OXR1: variants seen among roughly 807,000 people sequenced by gnomAD.
OXR1 encodes oxidation resistance protein 1.
In OXR1, 41 loss-of-function variants were observed where a neutral mutation model predicts 104.6. The ratio of observed to expected loss-of-function variants is 0.39; its 90% confidence interval spans 0.31 to 0.51. OXR1 has a LOEUF of 0.51. OXR1 is among the 20% of genes least tolerant of loss of function. The probability of loss-of-function intolerance (pLI) is 0.77; values close to 1 mark genes in which losing one functional copy is unlikely to be tolerated. For synonymous variants in OXR1, 348 were observed against 348.4 expected, an observed-to-expected ratio of 1.00 and a Z score of 0.01; for missense variants, 955 against 1,031.9, an observed-to-expected ratio of 0.93 and a Z score of 1.02.
At chr8:106,671,966 A>T (rs974588300) in intron 3 of OXR1, among the ~76,000 whole-genome samples, 8 of 113,628 alleles carry the variant, frequency 7.0e-5, no homozygotes, top group African/African-American at 3.1e-4. Context: ...CTTAAAGTAT[A>T]ATAATAATAA....
intron 2 of OXR1, among the ~76,000 whole-genome samples, chr8:106,483,113 G>T (rs1349242931): frequency 1.3e-5 from 2 of 151,878 alleles, no homozygotes; most frequent in African/African-American, 4.8e-5. Flanking sequence ...AGGTATATTG[G>T]TATATTGGAT....
At chr8:106,610,134 A>T (rs1486442230) in intron 3 of OXR1, among the ~76,000 whole-genome samples, 1 of 151,322 alleles carries the variant, frequency 6.6e-6, no homozygotes, top group African/African-American at 2.4e-5. Context: ...TACCCCTTTA[A>T]GCCAGTTGCC....
Position 106,713,860 on chromosome 8 carries a change from C to T in OXR1, c.1831C>T (p.Pro611Ser). Residue 611 changes from proline (P) to serine (S), a missense_variant, in exon 11 of 17, where the codon CCA becomes TCA. By Grantham distance (74) the Pro-to-Ser change is moderately conservative (BLOSUM62 -1). Around this residue, in one of 2 missense-constraint regions of OXR1, gnomAD observed 849 missense variants for 852.9 expected, o/e 1.00. Transcript: ENST00000517566. ...GTATGCCTTCTTCATTCAGTGGAGT[C>T]CAGAAATATATGCAGAAGATACTGG... ...HLYAFFIQWS[P>S]EIYAEDTGEY... 9 of 1,580,764 alleles carry T rather than the reference C, an allele frequency of 5.7e-6. No individual in the cohort carries two copies. Among genetic ancestry groups the T allele is most frequent in the Non-Finnish European group, 6.8e-6 (8 of 1,169,836 alleles).
At chr8:106,296,145 T>G (rs1812985479) in intron 1 of OXR1, among the ~76,000 whole-genome samples, 1 of 152,196 alleles carries the variant, frequency 6.6e-6, no homozygotes, top group African/African-American at 2.4e-5. Flanking sequence ...CAACCTGCAG[T>G]TCTTCGAGTC....
intron 11 of OXR1, among the ~76,000 whole-genome samples, chr8:106,737,262 A>T (rs1423179149): frequency 2.6e-5 from 4 of 152,094 alleles, no homozygotes; most frequent in Non-Finnish European, 5.9e-5. Context: ...CTATTTACTA[A>T]GTTGAATCTA....
chr8:106,315,551 C>G (rs1813894599), intron 1 of OXR1, among the ~76,000 whole-genome samples: 3 of 152,134 alleles, frequency 2.0e-5, no homozygotes, highest in Admixed American at 1.3e-4. Flanking sequence ...TGTTTTTACT[C>G]ATTTAATATT....
intron 3 of OXR1, among the ~76,000 whole-genome samples, chr8:106,535,464 A>G (rs1016066339): frequency 1.3e-5 from 2 of 152,196 alleles, no homozygotes; most frequent in African/African-American, 4.8e-5. Context: ...AAGTTTTTAC[A>G]GTCCTTTGGA....
intron 3 of OXR1, among the ~76,000 whole-genome samples, chr8:106,622,054 C>T (rs1467552024): frequency 6.6e-6 from 1 of 152,152 alleles, no homozygotes; most frequent in African/African-American, 2.4e-5. Flanking sequence ...ATATATTAAA[C>T]TATATTCTTA....
chr8:106,346,239 A>G (rs1403699571), intron 1 of OXR1, among the ~76,000 whole-genome samples: 1 of 152,228 alleles, frequency 6.6e-6, no homozygotes, highest in African/African-American at 2.4e-5. Context: ...GAGCTAGAAT[A>G]TTACGCATCC....
intron 2 of OXR1, among the ~76,000 whole-genome samples, chr8:106,443,878 A>G (rs1362192450): frequency 6.6e-6 from 1 of 152,222 alleles, no homozygotes; most frequent in Non-Finnish European, 1.5e-5. Context: ...CTGCTCAGCA[A>G]AAGAAACTAT....
chr8:106,636,484 A>G (rs1486567504), intron 3 of OXR1, among the ~76,000 whole-genome samples: 1 of 152,122 alleles, frequency 6.6e-6, no homozygotes, highest in African/African-American at 2.4e-5. Flanking sequence ...ACTAAAATAA[A>G]CTCAGCCATC....
intron 2 of OXR1, among the ~76,000 whole-genome samples, chr8:106,400,946 G>T (rs1420385221): frequency 6.6e-6 from 1 of 152,152 alleles, no homozygotes; most frequent in Non-Finnish European, 1.5e-5. Context: ...CAGTCTGTTA[G>T]TACATATTAT....
chr8:106,376,592 T>C (rs1170377863), intron 2 of OXR1, among the ~76,000 whole-genome samples: 1 of 152,222 alleles, frequency 6.6e-6, no homozygotes, highest in East Asian at 1.9e-4. Context: ...AGTTTGAAAA[T>C]GATGTCCTTC....
At chr8:106,270,918 C>T (rs561917802) in intron 1 of OXR1, among the ~76,000 whole-genome samples, 4 of 151,956 alleles carry the variant, frequency 2.6e-5, no homozygotes, top group Non-Finnish European at 5.9e-5. Flanking sequence ...CGAGTGGATT[C>T]GGATAATTTG....
intron 2 of OXR1, among the ~76,000 whole-genome samples, chr8:106,517,528 A>G (rs2130094037): frequency 6.6e-6 from 1 of 152,274 alleles, no homozygotes; most frequent in South Asian, 2.1e-4. Flanking sequence ...ATTCAAAAAT[A>G]TATTGCCAGA....
At chr8:106,304,121 G>A (rs959794269) in intron 1 of OXR1, among the ~76,000 whole-genome samples, 1 of 152,044 alleles carries the variant, frequency 6.6e-6, no homozygotes, top group Non-Finnish European at 1.5e-5. Flanking sequence ...ACTGTACCAC[G>A]TTTTAATCTG....
chr8:106,698,145 T>C (rs1306144744), intron 7 of OXR1: 3 of 619,794 alleles, frequency 4.8e-6, no homozygotes, highest in Non-Finnish European at 5.8e-6. Context: ...CTCTTCATTT[T>C]CAAAGGATAT....
At chr8:106,641,021 T>C (rs2130940475) in intron 3 of OXR1, among the ~76,000 whole-genome samples, 1 of 152,344 alleles carries the variant, frequency 6.6e-6, no homozygotes, top group South Asian at 2.1e-4. Flanking sequence ...TAAGAAAGCA[T>C]CTACATAGAC....
intron 3 of OXR1, among the ~76,000 whole-genome samples, chr8:106,634,606 G>T (rs1822979087): frequency 6.6e-6 from 1 of 152,056 alleles, no homozygotes; most frequent in Admixed American, 6.6e-5. Flanking sequence ...AAAGTATAAG[G>T]ATGATATTCC....
Sources: allele counts gnomAD v4.1 joint callset (sites outside exome capture counted in the v4.1 genomes callset), GRCh38; gene constraint gnomAD v4.1.1; regional missense constraint gnomAD v4.1.1; transcripts MANE v1.5; gene names NCBI Gene and HGNC (gene_info 2026-07-23, HGNC 2026-07-21).